PUM2: variants seen among roughly 807,000 people sequenced by gnomAD.
PUM2 encodes pumilio RNA binding family member 2.
A neutral mutation model predicts 124.5 loss-of-function variants in PUM2; 57 were observed. The observed-to-expected ratio is 0.46, with a 90% CI of 0.37 to 0.57. The LOEUF is 0.57. Ranked by LOEUF, PUM2 falls within the 20% of genes least tolerant of loss-of-function variation. The pLI, the probability that PUM2 is intolerant of heterozygous loss-of-function variation, is 0.00. For synonymous variants in PUM2, 460 were observed against 446.1 expected, an observed-to-expected ratio of 1.03 and a Z score of -0.39; for missense variants, 1,065 against 1,290.6, an observed-to-expected ratio of 0.83 and a Z score of 2.68.
intron 1 of PUM2, among the ~76,000 whole-genome samples, chr2:20,339,603 G>A (rs950780904): frequency 6.6e-6 from 1 of 152,196 alleles, no homozygotes; most frequent in Non-Finnish European, 1.5e-5. Flanking sequence ...AAGCAGGCCA[G>A]GCATGGTGGC....
At position 20,283,202 on chromosome 2, in the gene PUM2, T is replaced by C. The variant is rs758857438; in HGVS notation, c.1465A>G (p.Ser489Gly). 10 of 1,613,616 alleles carry C rather than the reference T, an allele frequency of 6.2e-6. No individual in the cohort carries two copies. The African/African-American group carries it at 1.2e-4, about 19-fold the overall frequency. The change falls in exon 12 of 21, where the codon AGT becomes GGT. Residue 489 changes from serine to glycine, a missense_variant. Ser to Gly is a moderately conservative substitution (Grantham distance 56). Coordinates refer to ENST00000361078, the MANE Select transcript of PUM2 (RefSeq NM_015317.5). ...AAAAAAGGTA[S>G]SLTGSTNGLF... The stretch of plus-strand genomic sequence containing the variant: ...CCATTTGTGCTGCCTGTAAGGCTAC[T>C]TGCAGTTCCTCCAGCTGCTGCTGCT...
chr2:20,311,202 G>C (rs1041644131), intron 5 of PUM2, among the ~76,000 whole-genome samples: 36 of 152,026 alleles, frequency 2.4e-4, no homozygotes, highest in African/African-American at 7.7e-4. Context: ...ATTTAACAGA[G>C]AGGAAAAAGT....
In PUM2 at chr2:20,248,823, T is replaced by G. The variant is rs1662600489; in HGVS notation, c.*2762A>C. On this transcript the variant is annotated 3_prime_UTR_variant, in exon 21 of 21. Transcript: ENST00000361078. ...GAAGTGAAGTTAACATTATTTCATA[T>G]GAACCAATAAGAGCCAGGACTTAGA... The G allele has an allele frequency of 6.5e-6, 1 of 152,688 alleles. No individual in the cohort carries two copies. The allele number at this position is 152,688 out of a possible 1,614,324, so 9.5% of individuals were successfully genotyped here.
chr2:20,271,918 G>A (rs1183291125), intron 13 of PUM2, among the ~76,000 whole-genome samples: 1 of 152,132 alleles, frequency 6.6e-6, no homozygotes, highest in Non-Finnish European at 1.5e-5. Context: ...CAGCACTTTG[G>A]GAGACCGAGG....
At chr2:20,314,305 G>T (rs1558624385) in intron 3 of PUM2, among the ~76,000 whole-genome samples, 1 of 151,738 alleles carries the variant, frequency 6.6e-6, no homozygotes, top group Non-Finnish European at 1.5e-5. Context: ...TAATACCACA[G>T]AATTTTCTAT....
intron 13 of PUM2, 52 bp from the exon 14 acceptor site, chr2:20,263,512 A>T: frequency 6.5e-7 from 1 of 1,530,140 alleles, no homozygotes; most frequent in East Asian, 2.3e-5. Context: ...GTTATTCCTC[A>T]AATAAAATTT....
chr2:20,281,147 G>C (rs1190778039), intron 12 of PUM2, among the ~76,000 whole-genome samples: 1 of 152,118 alleles, frequency 6.6e-6, no homozygotes. Context: ...TGCCCAAGAG[G>C]AGAGATACGA....
intron 7 of PUM2, among the ~76,000 whole-genome samples, chr2:20,303,598 TAC>T (rs1277923779): frequency 6.6e-6 from 1 of 152,346 alleles, no homozygotes; most frequent in African/African-American, 2.4e-5. Context: ...TGGAAAAGTT[TAC>T]AGTTTTCTTT....
At chr2:20,336,858 G>A (rs955411200) in intron 1 of PUM2, among the ~76,000 whole-genome samples, 1 of 150,676 alleles carries the variant, frequency 6.6e-6, no homozygotes, top group Non-Finnish European at 1.5e-5. Flanking sequence ...GTGAGTTCAA[G>A]TAATCCTTCC....
intron 13 of PUM2, among the ~76,000 whole-genome samples, chr2:20,267,039 TTTGAGACAGGTCTC>T (rs1260464056): frequency 6.6e-6 from 1 of 152,028 alleles, no homozygotes; most frequent in Non-Finnish European, 1.5e-5. Context: ...TTTTTTTTTT[TTTGAGACAGGTCTC>T]ACTCTGTCAC....
chr2:20,261,999 G>C (rs553384457), intron 14 of PUM2, among the ~76,000 whole-genome samples: 6 of 152,280 alleles, frequency 3.9e-5, no homozygotes, highest in Non-Finnish European at 8.8e-5. Context: ...GGATGCTTAG[G>C]TGGGAGGACT....
intron 1 of PUM2, among the ~76,000 whole-genome samples, chr2:20,333,521 A>T (rs555819394): frequency 1.3e-5 from 2 of 151,878 alleles, no homozygotes; most frequent in East Asian, 3.9e-4. Flanking sequence ...AAAGAAAAGC[A>T]ACAACAACAA....
chr2:20,293,616 A>G (rs576676533), intron 9 of PUM2, among the ~76,000 whole-genome samples: 18 of 152,316 alleles, frequency 1.2e-4, no homozygotes, highest in Middle Eastern at 3.4e-3. Flanking sequence ...AGACTGAGGT[A>G]TAAGAGTCAC....
At chr2:20,256,824 TCACCTGAGCTCAGGAG>T (rs1475430934) in intron 16 of PUM2, among the ~76,000 whole-genome samples, 1 of 151,994 alleles carries the variant, frequency 6.6e-6, no homozygotes, top group Admixed American at 6.6e-5. Context: ...GGCTGGTGGA[TCACCTGAGCTCAGGAG>T]TTTTGAGACC....
chr2:20,338,454 G>A (rs181710045), intron 1 of PUM2, among the ~76,000 whole-genome samples: 29 of 152,144 alleles, frequency 1.9e-4, no homozygotes, highest in South Asian at 1.5e-3. Flanking sequence ...CCCTTCATGC[G>A]CAAATCCCAC....
chr2:20,342,905 G>C (rs906815340), intron 1 of PUM2, among the ~76,000 whole-genome samples: 2 of 152,082 alleles, frequency 1.3e-5, no homozygotes, highest in African/African-American at 4.8e-5. Context: ...CAAACATCTA[G>C]GTAGAAATGT....
At chr2:20,298,594 C>T (rs1271506961) in intron 7 of PUM2, among the ~76,000 whole-genome samples, 1 of 152,106 alleles carries the variant, frequency 6.6e-6, no homozygotes, top group African/African-American at 2.4e-5. Context: ...ATAGGCCGGG[C>T]GTGGTGGCTC....
chr2:20,341,398 T>C (rs1449191636), intron 1 of PUM2, among the ~76,000 whole-genome samples: 1 of 152,196 alleles, frequency 6.6e-6, no homozygotes, highest in East Asian at 1.9e-4. Flanking sequence ...TAATTAAAGT[T>C]ACATGTAAAA....
rs564287663 is a variant in PUM2 at position 20,250,256 on chromosome 2, A to T, written c.*1329T>A. ...AAAATGATCTCACAATAATAAAAAGAAAGCTGGTTCATACTTCTGAAACCA... is the reference window on the plus strand; with the variant it reads ...AAAATGATCTCACAATAATAAAAAGTAAGCTGGTTCATACTTCTGAAACCA... On this transcript the variant is annotated 3_prime_UTR_variant, in exon 21 of 21. Transcript: ENST00000361078. 4 of 152,752 alleles carry T rather than the reference A, an allele frequency of 2.6e-5. No individual in the cohort carries two copies. Among genetic ancestry groups the T allele is most frequent in the Non-Finnish European group, 5.9e-5 (4 of 68,018 alleles). 9.5% of individuals were successfully genotyped at this position (152,752 alleles called of 1,614,324 possible).
Sources: allele counts gnomAD v4.1 joint callset (sites outside exome capture counted in the v4.1 genomes callset), GRCh38; gene constraint gnomAD v4.1.1; transcripts MANE v1.5; gene names NCBI Gene and HGNC (gene_info 2026-07-23, HGNC 2026-07-21).